Variants in DNAJA1 observed in about 807,000 individuals in gnomAD.
DNAJA1 encodes the protein DnaJ heat shock protein family (Hsp40) member A1, also known as dnaJ homolog subfamily A member 1.
In DNAJA1, 26 loss-of-function variants were observed where a neutral mutation model predicts 47.6. That is an observed-to-expected ratio of 0.55 (90% CI 0.40 to 0.76). The LOEUF (loss-of-function observed/expected upper bound fraction) is 0.76, where lower values mean the gene tolerates loss of function less well. Ranked by LOEUF, DNAJA1 falls within the 30% of genes least tolerant of loss-of-function variation. The pLI is 0.00. For missense variants in DNAJA1, 315 were observed against 485.0 expected (o/e 0.65, Z 3.29); for synonymous variants, 165 against 158.4 (o/e 1.04, Z -0.31).
intron 5 of DNAJA1, among the ~76,000 whole-genome samples, chr9:33,032,307 AATCTGTGTT>A (rs1250040441): frequency 6.6e-6 from 1 of 152,252 alleles, no homozygotes; most frequent in Non-Finnish European, 1.5e-5. Flanking sequence ...GAACTTAATA[AATCTGTGTT>A]TACCCCTTAG....
chr9:33,029,771 G>T, intron 3 of DNAJA1, 114 bp from the exon 4 acceptor site: 1 of 745,510 alleles, frequency 1.3e-6, no homozygotes, highest in Non-Finnish European at 2.2e-6. Flanking sequence ...GTCAACAGAT[G>T]TACCCTGTGA....
chr9:33,032,025 A>G (rs1011447925), intron 5 of DNAJA1, among the ~76,000 whole-genome samples: 1 of 152,352 alleles, frequency 6.6e-6, no homozygotes, highest in Middle Eastern at 3.4e-3. Context: ...ATAACCCCAG[A>G]AGGAAACTTA....
Position 33,029,933 on chromosome 9 carries a change from A to G in DNAJA1, c.359A>G (p.Asn120Ser). 4 of 1,613,488 alleles carry G rather than the reference A, an allele frequency of 2.5e-6. No individual in the cohort carries two copies. The highest frequency in any genetic ancestry group is 3.4e-6 in the Non-Finnish European group (4 of 1,179,856). Residue 120 changes from asparagine (N) to serine (S), a missense_variant, in exon 4 of 9, where the codon AAT becomes AGT. By Grantham distance (46) the Asn-to-Ser change is conservative. This residue lies in a region of DNAJA1 where 100 missense variants were observed against 163.0 expected (regional missense o/e 0.61). Coordinates refer to ENST00000330899, the MANE Select transcript of DNAJA1 (RefSeq NM_001539.4). Reference protein sequence around the residue: ...QLSVTLEDLYNGATRKLALQK... With the variant: ...QLSVTLEDLYSGATRKLALQK... ...TCAGTAACCCTAGAAGACTTATATA[A>G]TGGTGCAACAAGAAAACTGGCTCTG...
chr9:33,027,466 C>G (rs780041209), intron 3 of DNAJA1, among the ~76,000 whole-genome samples: 2 of 151,888 alleles, frequency 1.3e-5, no homozygotes, highest in African/African-American at 2.4e-5. Flanking sequence ...CCAGTGGTGT[C>G]GCTTTTTTTA....
chr9:33,035,230 T>C (rs954129736), intron 6 of DNAJA1, among the ~76,000 whole-genome samples: 3 of 151,766 alleles, frequency 2.0e-5, no homozygotes, highest in African/African-American at 7.3e-5. Context: ...CTGTTAAAAA[T>C]TAAAAAATTA....
At chr9:33,030,059 T>C (rs898943879) in intron 4 of DNAJA1, 70 bp downstream of exon 4, 60 of 1,396,350 alleles carry the variant, frequency 4.3e-5, no homozygotes, top group East Asian at 1.4e-4. Context: ...AAAATGGAGC[T>C]AAGACTTCTA....
intron 6 of DNAJA1, among the ~76,000 whole-genome samples, chr9:33,035,037 C>CTTT (rs11371852): frequency 2.5e-4 from 28 of 113,868 alleles, no homozygotes; most frequent in Non-Finnish European, 4.0e-4. Context: ...AAGAACCCAC[C>CTTT]TTTTTTTTTT....
intron 8 of DNAJA1, among the ~76,000 whole-genome samples, chr9:33,038,035 T>G (rs1839062545): frequency 1.3e-5 from 2 of 151,930 alleles, no homozygotes; most frequent in Admixed American, 6.6e-5. Flanking sequence ...ACGGGAGTCT[T>G]GTTCTGTCAC....
Position 33,037,124 on chromosome 9 carries a change from TA to T in DNAJA1, c.975+11del. Reference sequence around the variant, plus strand: ...TAATCATCGAATTTAAGGTAAGCTGTAATGTACTTTAAGAATACTTGAGAAC... The same window carrying T: ...TAATCATCGAATTTAAGGTAAGCTGTATGTACTTTAAGAATACTTGAGAAC... On this transcript the variant is annotated intron_variant, in intron 8 of 8. Transcript: ENST00000330899. 6.2e-7 allele frequency: 1 copy of T among 1,607,048 alleles called. No homozygotes were observed. Among genetic ancestry groups the T allele is most frequent in the Non-Finnish European group, 8.5e-7 (1 of 1,176,292 alleles).
chr9:33,028,880 A>G (rs1452291012), intron 3 of DNAJA1, among the ~76,000 whole-genome samples: 1 of 152,246 alleles, frequency 6.6e-6, no homozygotes, highest in Admixed American at 6.5e-5. Flanking sequence ...TTCATGCTTG[A>G]TTAGAAAGTT....
rs773091099 is a variant in DNAJA1, at chr9:33,038,761, A to C, written c.1052A>C (p.Glu351Ala). 2.5e-6 allele frequency: 4 copies of C among 1,614,172 alleles called. No individual in the cohort carries two copies. The highest frequency in any genetic ancestry group is 3.4e-6 in the Non-Finnish European group (4 of 1,180,010). The stretch of plus-strand genomic sequence containing the variant: ...GAAAAACTCCTACCCGAGAGGAAGG[A>C]AGTGGAAGAGACTGATGAGATGGAC... ...LLEKLLPERK[E>A]VEETDEMDQV... is the part of the protein sequence containing the mutation. The change falls in exon 9 of 9, where the codon GAA becomes GCA. Residue 351 changes from glutamate to alanine, a missense_variant. This residue lies in a region of DNAJA1 where 162 missense variants were observed against 185.4 expected (regional missense o/e 0.87). Transcript: ENST00000330899.
intron 3 of DNAJA1, among the ~76,000 whole-genome samples, chr9:33,029,118 A>T (rs1290548181): frequency 2.0e-5 from 3 of 152,236 alleles, no homozygotes; most frequent in Admixed American, 1.3e-4. Flanking sequence ...CTTAGTAGCC[A>T]CTGGCCATGT....
chr9:33,031,495 G>T (rs1196756853), intron 5 of DNAJA1, among the ~76,000 whole-genome samples: 2 of 152,004 alleles, frequency 1.3e-5, no homozygotes, highest in African/African-American at 4.8e-5. Context: ...GCAGTGATGC[G>T]ATCTTGGCTC....
intron 1 of DNAJA1, 57 bp downstream of exon 1, chr9:33,025,440 G>C (rs1444505685): frequency 6.6e-6 from 1 of 152,660 alleles, no homozygotes; most frequent in Non-Finnish European, 1.5e-5. Flanking sequence ...TTGGCGCCGG[G>C]AAACCGATGG....
rs140164800 is a variant in DNAJA1 at position 33,030,208 on chromosome 9, G to A, written c.415+219G>A. On this transcript the variant is annotated intron_variant, in intron 4 of 8. Coordinates refer to ENST00000330899, the MANE Select transcript of DNAJA1 (RefSeq NM_001539.4). The stretch of plus-strand genomic sequence containing the variant: ...TCTGTGTATATTTTAAATACAGTTG[G>A]GATCAAGCTAGTTTGGTATCTTTTT... 4.1e-3 allele frequency among the ~76,000 whole-genome samples: 626 copies of A among 151,824 alleles called. 6 individuals are homozygous for A. Among genetic ancestry groups the A allele is most frequent in the African/African-American group, 0.014 (598 of 41,352 alleles).
chr9:33,029,405 A>G (rs569915849), intron 3 of DNAJA1, among the ~76,000 whole-genome samples: 32 of 152,240 alleles, frequency 2.1e-4, no homozygotes, highest in Non-Finnish European at 3.2e-4. Flanking sequence ...TGGTGACTCA[A>G]TAAATACATC....
At chr9:33,037,482 G>A (rs1414385718) in intron 8 of DNAJA1, 1 of 165,750 alleles carries the variant, frequency 6.0e-6, no homozygotes, top group Non-Finnish European at 1.3e-5. Flanking sequence ...AGGAGTTAAA[G>A]GCCAGCCTGG....
At chr9:33,028,600 G>A (rs955225542) in intron 3 of DNAJA1, among the ~76,000 whole-genome samples, 2 of 152,218 alleles carry the variant, frequency 1.3e-5, no homozygotes, top group African/African-American at 2.4e-5. Flanking sequence ...CAAATGACTT[G>A]CTTAGTAAAT....
At chr9:33,034,360 A>T (rs771719063) in intron 6 of DNAJA1, 30 bp downstream of exon 6, 6 of 1,538,046 alleles carry the variant, frequency 3.9e-6, no homozygotes, top group Middle Eastern at 1.7e-4. Flanking sequence ...ACTCAAATTG[A>T]TATCACATAT....
Sources: allele counts gnomAD v4.1 joint callset (sites outside exome capture counted in the v4.1 genomes callset), GRCh38; gene constraint gnomAD v4.1.1; regional missense constraint gnomAD v4.1.1; transcripts MANE v1.5; gene names NCBI Gene and HGNC (gene_info 2026-07-23, HGNC 2026-07-21).